PI4KA: variants seen among roughly 807,000 people sequenced by gnomAD.
PI4KA encodes phosphatidylinositol 4-kinase alpha, also known as PI4-kinase alpha.
PI4KA carries 122 observed loss-of-function variants against 271.4 expected under a neutral mutation model. The observed-to-expected ratio is 0.45, with a 90% CI of 0.39 to 0.52. The LOEUF (loss-of-function observed/expected upper bound fraction) is 0.52. PI4KA is among the 20% of genes least tolerant of loss of function. PI4KA has a pLI of 0.00. For missense variants in PI4KA, 1,969 were observed against 2,769.1 expected (o/e 0.71, Z 6.48); for synonymous variants, 1,041 against 1,078.8 (o/e 0.96, Z 0.69).
chr22:20,788,244 TGAA>T, intron 19 of PI4KA, among the ~76,000 whole-genome samples: 1 of 152,248 alleles, frequency 6.6e-6, no homozygotes, highest in East Asian at 1.9e-4. Context: ...TCCAAGATGC[TGAA>T]GTAGTGGGGC....
At chr22:20,846,500 G>C (rs371742542) in intron 1 of PI4KA, among the ~76,000 whole-genome samples, 1 of 152,018 alleles carries the variant, frequency 6.6e-6, no homozygotes, top group Non-Finnish European at 1.5e-5. Flanking sequence ...ACACACAGTG[G>C]GGGGAACAAC....
Position 20,803,234 on chromosome 22 carries a change from T to C in PI4KA, c.1548A>G (p.Pro516=), listed in dbSNP as rs1935436783. ...SLRDFLVIPS[P]VLVKLYKYHS... The stretch of plus-strand genomic sequence containing the variant: ...GGTACTTGTAGAGCTTCACCAGAAC[T>C]GGGGACGGGATGACCAGGAAGTCTC... The change falls in exon 13 of 55, where the codon CCA becomes CCG. Residue 516 remains proline, a synonymous_variant. Coordinates refer to ENST00000255882, the MANE Select transcript of PI4KA (RefSeq NM_058004.4). 1 of 1,614,070 alleles carries C rather than the reference T, an allele frequency of 6.2e-7. No individual in the cohort carries two copies. The highest frequency in any genetic ancestry group is 8.5e-7 in the Non-Finnish European group (1 of 1,179,990).
At chr22:20,746,263 C>T (rs139544534) in intron 29 of PI4KA, among the ~76,000 whole-genome samples, 4,299 of 151,886 alleles carry the variant, frequency 0.028, 191 homozygotes, top group African/African-American at 0.097. Context: ...GGGGTTTCAC[C>T]GTGTTGGCCA....
At position 20,737,303 on chromosome 22, in the gene PI4KA, C is replaced by T. The variant is rs375197912; in HGVS notation, c.3742-2750G>A. 8.5e-5 allele frequency among the ~76,000 whole-genome samples: 13 copies of T among 152,224 alleles called. 1 individual carries two copies. Among genetic ancestry groups the T allele is most frequent in the East Asian group, 5.8e-4 (3 of 5,202 alleles). Reference sequence around the variant, plus strand: ...AAAAGCAGTTAGGCTCCCAGAACAGCTGCTTTCAAGACCCAGAACTCTGAA... The same window carrying T: ...AAAAGCAGTTAGGCTCCCAGAACAGTTGCTTTCAAGACCCAGAACTCTGAA... On this transcript the variant is annotated intron_variant, in intron 32 of 54. Transcript: ENST00000255882.
At chr22:20,789,610 G>C (rs966155473) in intron 19 of PI4KA, among the ~76,000 whole-genome samples, 3 of 152,194 alleles carry the variant, frequency 2.0e-5, no homozygotes, top group Non-Finnish European at 4.4e-5. Flanking sequence ...GATTACAGGT[G>C]TAAGCCACCA....
At chr22:20,814,774 T>A (rs566485296) in intron 7 of PI4KA, among the ~76,000 whole-genome samples, 39 of 151,764 alleles carry the variant, frequency 2.6e-4, no homozygotes, top group Non-Finnish European at 5.0e-4. Context: ...CATAGCAAAT[T>A]TTATGTTATG....
At chr22:20,810,406 A>G (rs165718) in intron 9 of PI4KA, among the ~76,000 whole-genome samples, 75,355 of 151,552 alleles carry the variant, frequency 0.5, 19,293 homozygotes, top group African/African-American at 0.6. Flanking sequence ...CTACTTAGGA[A>G]GCGGAGGTAG....
chr22:20,747,193 C>T (rs1930209244), intron 29 of PI4KA, among the ~76,000 whole-genome samples: 1 of 152,192 alleles, frequency 6.6e-6, no homozygotes, highest in South Asian at 2.1e-4. Context: ...TCAGCACCTG[C>T]AGAAAACAGA....
intron 19 of PI4KA, among the ~76,000 whole-genome samples, chr22:20,774,695 A>G (rs1933113105): frequency 6.6e-6 from 1 of 150,470 alleles, no homozygotes; most frequent in African/African-American, 2.4e-5. Context: ...CGGGAGGCAG[A>G]GGTTGCAGTG....
intron 1 of PI4KA, among the ~76,000 whole-genome samples, chr22:20,843,666 CGTT>C (rs1195308031): frequency 1.3e-5 from 2 of 152,102 alleles, no homozygotes; most frequent in Non-Finnish European, 2.9e-5. Flanking sequence ...AACCAGCAAA[CGTT>C]CACTTTCAGG....
At position 20,707,925 on chromosome 22, in the gene PI4KA, T is replaced by C. The variant is rs1058503; in HGVS notation, c.*122A>G. 92 of 902,608 alleles carry C rather than the reference T, an allele frequency of 1.0e-4. 1 individual carries two copies. Among genetic ancestry groups the C allele is most frequent in the African/African-American group, 5.1e-4 (31 of 61,268 alleles). The allele number at this position is 902,608 out of a possible 1,614,324, so 55.9% of individuals were successfully genotyped here. ...TGCTGCCCCAGGAGGCGCTACCAGG[T>C]TCTTTGGGCCACAGGCCTCTCCTCC... On this transcript the variant is annotated 3_prime_UTR_variant, in exon 55 of 55. Transcript: ENST00000255882.
chr22:20,857,642 C>CA (rs1164342183), intron 1 of PI4KA, among the ~76,000 whole-genome samples: 2 of 152,218 alleles, frequency 1.3e-5, no homozygotes, highest in African/African-American at 4.8e-5. Flanking sequence ...ACTGCTCACC[C>CA]ACTCTGTGCC....
chr22:20,727,576 C>T, intron 40 of PI4KA, 179 bp from the exon 41 acceptor site: 1 of 683,518 alleles, frequency 1.5e-6, no homozygotes, highest in Non-Finnish European at 2.4e-6. Context: ...GGGTGAAGTG[C>T]ATTACATTTT....
At chr22:20,709,588 G>C in intron 53 of PI4KA, 5 of 600,572 alleles carry the variant, frequency 8.3e-6, no homozygotes, top group Non-Finnish European at 1.5e-5. Context: ...CATCACCTGA[G>C]TGGCCCCATG....
intron 19 of PI4KA, chr22:20,780,031 T>G (rs1192222345): frequency 5.6e-6 from 9 of 1,614,076 alleles, no homozygotes; most frequent in Non-Finnish European, 7.6e-6. Flanking sequence ...AAAACTAAAG[T>G]AAGAGAGTAT....
chr22:20,807,542 ATGG>A, intron 9 of PI4KA, 84 bp from the exon 10 acceptor site: 1 of 745,522 alleles, frequency 1.3e-6, no homozygotes, highest in East Asian at 2.6e-5. Flanking sequence ...GCCCAGCGGA[ATGG>A]TGATTCGTGA....
intron 23 of PI4KA, among the ~76,000 whole-genome samples, chr22:20,756,386 A>G (rs1931306586): frequency 1.3e-5 from 2 of 151,846 alleles, no homozygotes; most frequent in African/African-American, 4.8e-5. Flanking sequence ...ATGCAGGGCT[A>G]ATTTTGTATT....
At chr22:20,789,747 T>C (rs1433012031) in intron 19 of PI4KA, among the ~76,000 whole-genome samples, 4 of 152,196 alleles carry the variant, frequency 2.6e-5, no homozygotes, top group Admixed American at 6.5e-5. Flanking sequence ...CTTGGGTAGA[T>C]TGCTTCCATT....
At chr22:20,808,701 T>C (rs1935822968) in intron 9 of PI4KA, among the ~76,000 whole-genome samples, 3 of 151,466 alleles carry the variant, frequency 2.0e-5, no homozygotes, top group African/African-American at 4.9e-5. Flanking sequence ...TTTTTAGAGA[T>C]AGGGTCTCAC....
Sources: allele counts gnomAD v4.1 joint callset (sites outside exome capture counted in the v4.1 genomes callset), GRCh38; gene constraint gnomAD v4.1.1; transcripts MANE v1.5; gene names NCBI Gene and HGNC (gene_info 2026-07-23, HGNC 2026-07-21).